The following MAP3K14 variants were observed in gnomAD, a reference collection of about 807,000 sequenced individuals.
MAP3K14 encodes the protein mitogen-activated protein kinase kinase kinase 14.
MAP3K14 carries 16 observed loss-of-function variants against 99.2 expected under a neutral mutation model. The ratio of observed to expected loss-of-function variants is 0.16; its 90% CI spans 0.11 to 0.24. MAP3K14 has a LOEUF of 0.24. MAP3K14 is among the 10% of genes least tolerant of loss of function. The pLI, the probability that MAP3K14 is intolerant of heterozygous loss-of-function variation, is 1.00. For synonymous variants in MAP3K14, 462 were observed against 492.4 expected (o/e 0.94, Z 0.82); for missense variants, 784 against 1,208.7 (o/e 0.65, Z 5.21).
chr17:45,285,189 T>C (rs914723721), intron 5 of MAP3K14, among the ~76,000 whole-genome samples: 1 of 151,966 alleles, frequency 6.6e-6, no homozygotes, highest in African/African-American at 2.4e-5. Flanking sequence ...ATCCTTGTGA[T>C]GAAAAACATC....
In MAP3K14 at chr17:45,267,249, G is replaced by A. The variant is rs2143769857; in HGVS notation, c.2327-51C>T. 1 of 1,427,878 alleles carries A rather than the reference G, an allele frequency of 7.0e-7. No individual in the cohort carries two copies. Among genetic ancestry groups the A allele is most frequent in the Non-Finnish European group, 9.7e-7 (1 of 1,033,158 alleles). 88.5% of individuals were successfully genotyped at this position (1,427,878 alleles called of 1,614,324 possible). The stretch of plus-strand genomic sequence containing the variant: ...GTGAAAGACTGGGAGGAGGCTGGCT[G>A]TGTTTTCAGGGGTTCTTCCTGCACA... On this transcript the variant is annotated intron_variant, in intron 12 of 15. Coordinates refer to ENST00000344686, the MANE Select transcript of MAP3K14 (RefSeq NM_003954.5). This position sits in a 1 kb window ranked among gnomAD's most constrained non-coding sequence, Gnocchi z 5.1.
Position 45,267,475 on chromosome 17 carries a change from C to T in MAP3K14, c.2257G>A (p.Ala753Thr). The T allele has an allele frequency of 6.2e-7, 1 of 1,611,674 alleles. No individual in the cohort carries two copies. The highest frequency in any genetic ancestry group is 8.5e-7 in the Non-Finnish European group (1 of 1,178,834). ...LPLSSLEPAP[A>T]RNPSSPERKA... Reference sequence around the variant, plus strand: ...CGCTCTGGTGAGCTGGGGTTTCTGGCAGGGGCTGGCTCCAGGGAGGACAGA... The same window carrying T: ...CGCTCTGGTGAGCTGGGGTTTCTGGTAGGGGCTGGCTCCAGGGAGGACAGA... Residue 753 changes from alanine (A) to threonine (T), a missense_variant, in exon 12 of 16, where the codon GCC becomes ACC. Around this residue, in one of 5 missense-constraint regions of MAP3K14, gnomAD observed 128 missense variants for 143.3 expected, o/e 0.89. Coordinates refer to ENST00000344686, the MANE Select transcript of MAP3K14 (RefSeq NM_003954.5). The surrounding 1 kb of genome is among the most constrained non-coding windows in gnomAD (Gnocchi z 5.1).
At chr17:45,308,627 T>C (rs1478628367) in intron 1 of MAP3K14, among the ~76,000 whole-genome samples, 1 of 152,014 alleles carries the variant, frequency 6.6e-6, no homozygotes, top group East Asian at 1.9e-4. Context: ...CCTCAGCCTC[T>C]GAAGTAGCTG....
chr17:45,265,353 TA>T (rs2143761065), intron 14 of MAP3K14, 90 bp from the exon 15 acceptor site: 1 of 824,130 alleles, frequency 1.2e-6, no homozygotes, highest in East Asian at 2.4e-5. Context: ...ACGTTTTTGT[TA>T]AAAGTCACTC....
At chr17:45,265,703 G>A (rs1390366717) in intron 14 of MAP3K14, among the ~76,000 whole-genome samples, 19 of 152,158 alleles carry the variant, frequency 1.2e-4, no homozygotes, top group Admixed American at 1.2e-3. Context: ...CTCCCAAAGT[G>A]CTGGGATTAC....
chr17:45,273,651 C>T (rs1316303443), intron 8 of MAP3K14, 44 bp from the exon 9 acceptor site: 1 of 1,496,496 alleles, frequency 6.7e-7, no homozygotes. Flanking sequence ...GTGAGTCATG[C>T]CGGGTCCCAG....
At chr17:45,308,275 A>G (rs559673469) in intron 1 of MAP3K14, among the ~76,000 whole-genome samples, 2 of 152,320 alleles carry the variant, frequency 1.3e-5, no homozygotes, top group Admixed American at 6.5e-5. Flanking sequence ...CAGGAATATG[A>G]GGATGACCAA....
At chr17:45,301,842 T>G (rs983064370) in intron 1 of MAP3K14, among the ~76,000 whole-genome samples, 55 of 149,246 alleles carry the variant, frequency 3.7e-4, no homozygotes, top group African/African-American at 1.3e-3. Flanking sequence ...TCTTTTTTTT[T>G]TTTTTTTTGA....
intron 6 of MAP3K14, among the ~76,000 whole-genome samples, chr17:45,283,905 C>T (rs909536666): frequency 1.3e-5 from 2 of 152,090 alleles, no homozygotes; most frequent in Non-Finnish European, 2.9e-5. Context: ...AAGGTGGCTT[C>T]CAATCAAGAT....
chr17:45,268,911 A>G (rs1319869206), intron 11 of MAP3K14, among the ~76,000 whole-genome samples: 1 of 152,170 alleles, frequency 6.6e-6, no homozygotes, highest in Non-Finnish European at 1.5e-5. Context: ...CAGAGTGGGT[A>G]GCCTTGTCCA....
chr17:45,283,818 G>A (rs1319251500), intron 6 of MAP3K14, among the ~76,000 whole-genome samples: 1 of 152,232 alleles, frequency 6.6e-6, no homozygotes, highest in Non-Finnish European at 1.5e-5. Context: ...CCTGCCCAGA[G>A]GGCCAAGGGG....
Position 45,286,475 on chromosome 17 carries a change from G to A in MAP3K14, c.1108C>T (p.Pro370Ser). The A allele has an allele frequency of 1.2e-6, 2 of 1,602,238 alleles. No homozygotes were observed. Among genetic ancestry groups the A allele is most frequent in the Non-Finnish European group, 1.7e-6 (2 of 1,173,484 alleles). ...TCGTTGTCCTCAGTTTTGGGGCTGG[G>A]CTCCCGGGATCTGGAGCCCCTTGCT... The part of the protein sequence containing the change: ...WAARGSRSRE[P>S]SPKTEDNEGV... Residue 370 changes from proline to serine, a missense_variant, in exon 5 of 16, where the codon CCC (proline) becomes TCC (serine). Coordinates refer to ENST00000344686, the MANE Select transcript of MAP3K14 (RefSeq NM_003954.5). This position sits in a 1 kb window ranked among gnomAD's most constrained non-coding sequence, Gnocchi z 4.1.
rs1259290517 is a variant in MAP3K14 at position 45,263,273 on chromosome 17, A to G, written c.*1363T>C. ...TCTGACTCAATGTGGACAGCTGGAC[A>G]AAGGCTGTCTTGGCAAGATGTGGGA... On this transcript the variant is annotated 3_prime_UTR_variant, in exon 16 of 16. Coordinates refer to ENST00000344686, the MANE Select transcript of MAP3K14 (RefSeq NM_003954.5). 4.6e-5 allele frequency: 7 copies of G among 152,430 alleles called. No homozygotes were observed. Among genetic ancestry groups the G allele is most frequent in the Non-Finnish European group, 1.0e-4 (7 of 68,048 alleles). 9.4% of individuals were successfully genotyped at this position (152,430 alleles called of 1,614,324 possible). A position where few individuals can be genotyped will look rare whatever the true frequency, so the allele number is the denominator to read the frequency against.
At chr17:45,316,702 C>G (rs922969046) in intron 1 of MAP3K14, among the ~76,000 whole-genome samples, 3 of 152,084 alleles carry the variant, frequency 2.0e-5, no homozygotes, top group African/African-American at 7.2e-5. Context: ...GCGCTCGGAG[C>G]CAGCGTGTGG....
Position 45,263,278 on chromosome 17 carries a change from C to T in MAP3K14, c.*1358G>A, listed in dbSNP as rs2044033483. On this transcript the variant is annotated 3_prime_UTR_variant, in exon 16 of 16. Coordinates refer to ENST00000344686, the MANE Select transcript of MAP3K14 (RefSeq NM_003954.5). ...CTCAATGTGGACAGCTGGACAAAGGCTGTCTTGGCAAGATGTGGGAATGAG... is the reference window on the plus strand; with the variant it reads ...CTCAATGTGGACAGCTGGACAAAGGTTGTCTTGGCAAGATGTGGGAATGAG... 1 of 152,414 alleles carries T rather than the reference C, an allele frequency of 6.6e-6. No homozygotes were observed. Among genetic ancestry groups the T allele is most frequent in the South Asian group, 2.1e-4 (1 of 4,820 alleles). 9.4% of individuals were successfully genotyped at this position (152,414 alleles called of 1,614,324 possible). A position where few individuals can be genotyped will look rare whatever the true frequency, so the allele number is the denominator to read the frequency against.
chr17:45,287,895 G>A (rs143785875), intron 3 of MAP3K14, among the ~76,000 whole-genome samples: 123 of 152,334 alleles, frequency 8.1e-4, no homozygotes, highest in Non-Finnish European at 1.2e-3. Context: ...GGGGTCCCTG[G>A]CTGCTGTTGA....
At chr17:45,309,808 C>T (rs1352493818) in intron 1 of MAP3K14, among the ~76,000 whole-genome samples, 1 of 152,156 alleles carries the variant, frequency 6.6e-6, no homozygotes, top group African/African-American at 2.4e-5. Flanking sequence ...AGAAGATAAC[C>T]CTTCTGAACT....
rs2044163916 is a variant in MAP3K14, at chr17:45,274,448, G to A, written c.1420+16C>T. Reference sequence around the variant, plus strand: ...TGGCCCTGAATTTGGAGAAAGAGTGGGACCTGGCTCCTTACCTTCCAGCAG... The same window carrying A: ...TGGCCCTGAATTTGGAGAAAGAGTGAGACCTGGCTCCTTACCTTCCAGCAG... On this transcript the variant is annotated intron_variant, in intron 7 of 15. Coordinates refer to ENST00000344686, the MANE Select transcript of MAP3K14 (RefSeq NM_003954.5). 6.2e-7 allele frequency: 1 copy of A among 1,613,068 alleles called. No homozygotes were observed. The highest frequency in any genetic ancestry group is 1.7e-5 in the Admixed American group (1 of 59,874).
intron 3 of MAP3K14, among the ~76,000 whole-genome samples, chr17:45,288,291 A>C (rs2044283501): frequency 6.6e-6 from 1 of 152,012 alleles, no homozygotes; most frequent in Admixed American, 6.5e-5. Flanking sequence ...TGCCCTCCCC[A>C]CAATCTTATC....
Sources: allele counts gnomAD v4.1 joint callset (sites outside exome capture counted in the v4.1 genomes callset), GRCh38; gene constraint gnomAD v4.1.1; regional missense constraint gnomAD v4.1.1; non-coding constraint Gnocchi (gnomAD v3.1); transcripts MANE v1.5; gene names NCBI Gene and HGNC (gene_info 2026-07-23, HGNC 2026-07-21).